The following NRG1 variants were observed in gnomAD, a reference collection of about 807,000 sequenced individuals.
NRG1 encodes neuregulin 1, also known as pro-neuregulin-1, membrane-bound isoform.
Under a neutral mutation model 63.8 loss-of-function variants are expected in NRG1, and 18 were observed. The observed-to-expected ratio is 0.28, with a 90% CI of 0.19 to 0.42. The LOEUF (loss-of-function observed/expected upper bound fraction) is 0.42, where lower values mean the gene tolerates loss of function less well. Among genes scored for constraint, NRG1 ranks in the 10% least tolerant of loss-of-function variants. The pLI, the probability that NRG1 is intolerant of heterozygous loss-of-function variation, is 1.00. For synonymous variants in NRG1, 302 were observed against 301.3 expected (o/e 1.00, Z -0.02); for missense variants, 762 against 814.7 (o/e 0.94, Z 0.79).
At chr8:32,506,755 C>T (rs535358208) in intron 1 of NRG1, among the ~76,000 whole-genome samples, 4 of 152,152 alleles carry the variant, frequency 2.6e-5, no homozygotes, top group South Asian at 2.1e-4. Flanking sequence ...TGGCTCACAC[C>T]TGTAATCCCA....
chr8:32,759,286 G>A lies in NRG1; in HGVS notation c.922-20G>A. 6.2e-7 allele frequency: 1 copy of A among 1,609,678 alleles called. No homozygotes were observed. Among genetic ancestry groups the A allele is most frequent in the Non-Finnish European group, 8.5e-7 (1 of 1,177,516 alleles). Reference sequence around the variant, plus strand: ...ATGAATCTACGTGAATCTTCAAGTTGTGTCTCTTTGTTTATCCAGCAATAC... The same window carrying A: ...ATGAATCTACGTGAATCTTCAAGTTATGTCTCTTTGTTTATCCAGCAATAC... On this transcript the variant is annotated intron_variant, in intron 9 of 11. Coordinates refer to ENST00000356819, the Ensembl canonical transcript of NRG1.
chr8:32,228,905 G>A (rs1846611677), intron 1 of NRG1, among the ~76,000 whole-genome samples: 1 of 152,046 alleles, frequency 6.6e-6, no homozygotes, highest in Admixed American at 6.6e-5. Context: ...TGAAACCAAA[G>A]AGAATTTCCC....
At chr8:31,873,828 T>C (rs1829694340) in intron 1 of NRG1, among the ~76,000 whole-genome samples, 1 of 152,230 alleles carries the variant, frequency 6.6e-6, no homozygotes, top group Non-Finnish European at 1.5e-5. Flanking sequence ...TGGCAGAATA[T>C]TACTGACATT....
At chr8:32,044,019 TAAAG>T (rs1046884631) in intron 1 of NRG1, among the ~76,000 whole-genome samples, 2 of 151,752 alleles carry the variant, frequency 1.3e-5, no homozygotes, top group Non-Finnish European at 3.0e-5. Flanking sequence ...CCAGAATAAA[TAAAG>T]AAAAATGTAT....
chr8:32,372,721 C>G (rs1008833444), intron 1 of NRG1, among the ~76,000 whole-genome samples: 2 of 152,216 alleles, frequency 1.3e-5, no homozygotes, highest in African/African-American at 4.8e-5. Context: ...TCCCAACTTT[C>G]ACTTCCTACT....
rs942369745 is a variant in NRG1, at chr8:32,245,388, A to G, written c.38-350440A>G. 6.6e-5 allele frequency among the ~76,000 whole-genome samples: 10 copies of G among 152,278 alleles called. 1 individual carries two copies. Among genetic ancestry groups the G allele is most frequent in the Admixed American group, 6.5e-4 (10 of 15,286 alleles). ...GCTTCACAGTTTGGTACAAATTAAC[A>G]ATTTGGGCAAGATAACAGGATCCAG... On this transcript the variant is annotated intron_variant, in intron 1 of 10. Transcript: ENST00000519301.
intron 1 of NRG1, among the ~76,000 whole-genome samples, chr8:32,225,011 A>G (rs1025223804): frequency 3.9e-5 from 6 of 152,212 alleles, no homozygotes; most frequent in Non-Finnish European, 8.8e-5. Context: ...ATGTCATAAC[A>G]GTGTAAGGTA....
chr8:31,987,753 G>GA (rs200957282), intron 1 of NRG1, among the ~76,000 whole-genome samples: 6 of 150,970 alleles, frequency 4.0e-5, no homozygotes, highest in African/African-American at 1.2e-4. Context: ...AAGTTGGAAG[G>GA]AAAAAAAAGG....
At chr8:32,236,373 A>C (rs546234098) in intron 1 of NRG1, among the ~76,000 whole-genome samples, 1 of 152,222 alleles carries the variant, frequency 6.6e-6, no homozygotes, top group South Asian at 2.1e-4. Flanking sequence ...CCTTCTTTCT[A>C]TCTATAAATA....
At chr8:32,607,282 C>A (rs1347268776) in intron 3 of NRG1, among the ~76,000 whole-genome samples, 1 of 152,092 alleles carries the variant, frequency 6.6e-6, no homozygotes, top group Non-Finnish European at 1.5e-5. Flanking sequence ...TTTTAATGGG[C>A]TGTTTTTTAC....
chr8:31,835,176 T>A (rs1421297673), intron 1 of NRG1, among the ~76,000 whole-genome samples: 1 of 152,210 alleles, frequency 6.6e-6, no homozygotes, highest in African/African-American at 2.4e-5. Flanking sequence ...ATCTGTGAAC[T>A]AGGAATTATG....
At chr8:32,281,456 C>T (rs1453619512) in intron 1 of NRG1, among the ~76,000 whole-genome samples, 1 of 151,982 alleles carries the variant, frequency 6.6e-6, no homozygotes, top group Non-Finnish European at 1.5e-5. Flanking sequence ...TGGATTACAG[C>T]CACGAGCCAT....
intron 1 of NRG1, among the ~76,000 whole-genome samples, chr8:31,709,445 T>C (rs1450540577): frequency 6.6e-6 from 1 of 152,108 alleles, no homozygotes; most frequent in Non-Finnish European, 1.5e-5. Flanking sequence ...TATAAAGTTT[T>C]GATATTAGTG....
At chr8:31,877,075 A>G (rs1829984882) in intron 1 of NRG1, among the ~76,000 whole-genome samples, 1 of 152,126 alleles carries the variant, frequency 6.6e-6, no homozygotes, top group African/African-American at 2.4e-5. Flanking sequence ...TCTGAGAATA[A>G]TTGTGAAAAG....
chr8:32,097,482 G>A (rs1043795271), intron 1 of NRG1, among the ~76,000 whole-genome samples: 5 of 151,970 alleles, frequency 3.3e-5, no homozygotes, highest in East Asian at 3.9e-4. Flanking sequence ...CCATTTTCTC[G>A]GCATCTTTGT....
intron 1 of NRG1, chr8:32,030,513 TCCTCAG>T (rs1818104007): frequency 6.6e-6 from 1 of 152,340 alleles, no homozygotes; most frequent in Admixed American, 6.5e-5. Context: ...TCTATCCCTT[TCCTCAG>T]CCTCTTTCAT....
rs1034460586 is a variant in NRG1 at position 31,916,161 on chromosome 8, G to A, written c.37+276730G>A. On this transcript the variant is annotated intron_variant, in intron 1 of 10. Coordinates refer to the NRG1 transcript ENST00000519301. ...ACATTATCTAAAAGTATGTTCCCAT[G>A]GAAAATTATATAATAGGCTTAGTAC... is the stretch of plus-strand genomic sequence containing the variant. 1.1e-4 allele frequency among the ~76,000 whole-genome samples: 17 copies of A among 152,010 alleles called. 1 individual carries two copies. Among genetic ancestry groups the A allele is most frequent in the African/African-American group, 3.9e-4 (16 of 41,478 alleles).
At chr8:31,806,488 TA>T (rs952025299) in intron 1 of NRG1, among the ~76,000 whole-genome samples, 1 of 152,064 alleles carries the variant, frequency 6.6e-6, no homozygotes, top group East Asian at 1.9e-4. Context: ...AATGTGAAAT[TA>T]AAAAAAACTG....
chr8:31,785,081 G>A (rs1820047845), intron 1 of NRG1, among the ~76,000 whole-genome samples: 1 of 152,282 alleles, frequency 6.6e-6, no homozygotes, highest in East Asian at 1.9e-4. Context: ...GACTTTTGGA[G>A]TCTGATCATA....
Sources: gnomAD v4.1 joint callset for allele counts (sites outside exome capture counted in the v4.1 genomes callset) on GRCh38, gnomAD v4.1.1 for gene constraint, MANE v1.5 for transcripts, NCBI Gene and HGNC (gene_info 2026-07-23, HGNC 2026-07-21) for gene names.